NOVA1: variants seen among roughly 807,000 people sequenced by gnomAD.
The protein encoded by NOVA1 is RNA-binding protein Nova-1.
Under a neutral mutation model 38.0 loss-of-function variants are expected in NOVA1, and 7 were observed. The observed-to-expected ratio is 0.18, with a 90% CI of 0.10 to 0.35. The LOEUF is 0.35. Ranked by LOEUF, NOVA1 falls within the 10% of genes least tolerant of loss-of-function variation. The pLI is 1.00. For missense variants in NOVA1, 460 were observed against 616.0 expected, an observed-to-expected ratio of 0.75 and a Z score of 2.68; for synonymous variants, 270 against 232.5, an observed-to-expected ratio of 1.16 and a Z score of -1.47.
chr14:26,537,884 C>T (rs143326250), intron 2 of NOVA1, among the ~76,000 whole-genome samples: 24 of 152,250 alleles, frequency 1.6e-4, no homozygotes, highest in Non-Finnish European at 2.8e-4. Context: ...CTGGGAATAG[C>T]TCCTCTATGG....
intron 2 of NOVA1, among the ~76,000 whole-genome samples, chr14:26,490,023 T>C (rs1177067563): frequency 6.6e-6 from 1 of 152,148 alleles, no homozygotes; most frequent in African/African-American, 2.4e-5. Flanking sequence ...TTCCATCCCT[T>C]CCTTCCTATA....
chr14:26,581,685 G>A (rs2138769977), intron 2 of NOVA1, among the ~76,000 whole-genome samples: 2 of 151,990 alleles, frequency 1.3e-5, no homozygotes, highest in African/African-American at 4.8e-5. Flanking sequence ...GGAAAAAAAT[G>A]TATAACCTAT....
Position 26,447,759 on chromosome 14 carries a change from C to G in NOVA1, c.*200G>C, listed in dbSNP as rs1882196350. 1.7e-6 allele frequency: 1 copy of G among 595,890 alleles called. No individual in the cohort carries two copies. Among genetic ancestry groups the G allele is most frequent in the South Asian group, 2.2e-5 (1 of 45,646 alleles). The allele number at this position is 595,890 out of a possible 1,614,324, so 36.9% of individuals were successfully genotyped here. A position where few individuals can be genotyped will look rare whatever the true frequency, so the allele number is the denominator to read the frequency against. On this transcript the variant is annotated 3_prime_UTR_variant, in exon 5 of 5. Transcript: ENST00000539517. ...CACAAGCAAAGTATAGAGAACAAAA[C>G]AGATCAAGAAAAAATTCTTTCTATG...
At chr14:26,534,089 A>C (rs1889909857) in intron 2 of NOVA1, among the ~76,000 whole-genome samples, 1 of 152,194 alleles carries the variant, frequency 6.6e-6, no homozygotes, top group African/African-American at 2.4e-5. Context: ...AACTAGCATA[A>C]CTCTGATAAT....
intron 2 of NOVA1, among the ~76,000 whole-genome samples, chr14:26,568,770 T>C (rs1476109820): frequency 6.6e-6 from 1 of 152,184 alleles, no homozygotes; most frequent in Non-Finnish European, 1.5e-5. Context: ...GTGGGCAGCC[T>C]GATGAGAATC....
At chr14:26,574,622 C>A (rs1227296781) in intron 2 of NOVA1, among the ~76,000 whole-genome samples, 1 of 151,930 alleles carries the variant, frequency 6.6e-6, no homozygotes, top group Non-Finnish European at 1.5e-5. Context: ...TATCATAAAA[C>A]TTTAATTTCA....
At chr14:26,506,872 G>A (rs1009261719) in intron 2 of NOVA1, among the ~76,000 whole-genome samples, 1 of 152,080 alleles carries the variant, frequency 6.6e-6, no homozygotes, top group African/African-American at 2.4e-5. Context: ...GAGCCACCGC[G>A]CCAGGCCAAC....
chr14:26,590,179 A>G (rs1275012942), intron 2 of NOVA1, among the ~76,000 whole-genome samples: 1 of 151,870 alleles, frequency 6.6e-6, no homozygotes, highest in East Asian at 1.9e-4. Flanking sequence ...TTTGGAAAAG[A>G]CTGCAAAGCT....
chr14:26,555,227 T>C (rs1389852197), intron 2 of NOVA1, among the ~76,000 whole-genome samples: 1 of 152,108 alleles, frequency 6.6e-6, no homozygotes, highest in Admixed American at 6.5e-5. Flanking sequence ...GGAATCATGC[T>C]CTCTCCAGGC....
chr14:26,558,960 C>T (rs1891654025), intron 2 of NOVA1, among the ~76,000 whole-genome samples: 1 of 152,046 alleles, frequency 6.6e-6, no homozygotes. Flanking sequence ...ATTTCCCCTC[C>T]TTGCCTACAT....
intron 2 of NOVA1, among the ~76,000 whole-genome samples, chr14:26,567,273 T>C (rs1376111712): frequency 6.6e-6 from 1 of 150,540 alleles, no homozygotes; most frequent in African/African-American, 2.4e-5. Flanking sequence ...TCCTATAACA[T>C]TTAAGTGTCT....
chr14:26,450,406 C>CA (rs1882566955), intron 4 of NOVA1, among the ~76,000 whole-genome samples: 2 of 151,734 alleles, frequency 1.3e-5, no homozygotes, highest in South Asian at 4.2e-4. Context: ...CACACACAAA[C>CA]CTCATTTTAT....
intron 2 of NOVA1, among the ~76,000 whole-genome samples, chr14:26,529,111 CT>C (rs1889510721): frequency 6.6e-6 from 1 of 151,016 alleles, no homozygotes; most frequent in Non-Finnish European, 1.5e-5. Flanking sequence ...AGTGTAGTAT[CT>C]AATGAAGTGG....
intron 4 of NOVA1, among the ~76,000 whole-genome samples, chr14:26,462,110 T>C (rs967665525): frequency 2.6e-5 from 4 of 152,102 alleles, no homozygotes; most frequent in Non-Finnish European, 1.5e-5. Flanking sequence ...CCTAAGCGTA[T>C]AGTGTTTATA....
At chr14:26,449,837 T>C (rs963297561) in intron 4 of NOVA1, among the ~76,000 whole-genome samples, 2 of 152,072 alleles carry the variant, frequency 1.3e-5, no homozygotes, top group Non-Finnish European at 2.9e-5. Context: ...GAATATTCAA[T>C]CCAATATGAC....
At chr14:26,471,614 T>A (rs904625038) in intron 4 of NOVA1, among the ~76,000 whole-genome samples, 1 of 151,948 alleles carries the variant, frequency 6.6e-6, no homozygotes, top group Non-Finnish European at 1.5e-5. Context: ...TTAGATAATC[T>A]TCTTATATTT....
intron 2 of NOVA1, among the ~76,000 whole-genome samples, chr14:26,531,107 A>T (rs552223268): frequency 2.5e-4 from 38 of 152,310 alleles, no homozygotes; most frequent in African/African-American, 9.1e-4. Context: ...CTAGAGCAGT[A>T]TTTCATACAT....
chr14:26,523,679 G>A (rs1227633755), intron 2 of NOVA1, among the ~76,000 whole-genome samples: 2 of 148,816 alleles, frequency 1.3e-5, no homozygotes, highest in Non-Finnish European at 3.0e-5. Flanking sequence ...AATTTGAATT[G>A]CATATAATTT....
chr14:26,597,748 G>T lies in NOVA1; in HGVS notation c.-312C>A. The T allele has an allele frequency of 9.8e-7, 1 of 1,017,920 alleles. No individual in the cohort carries two copies. Among genetic ancestry groups the T allele is most frequent in the Non-Finnish European group, 1.2e-6 (1 of 843,198 alleles). The allele number at this position is 1,017,920 out of a possible 1,614,324, so 63.1% of individuals were successfully genotyped here. On this transcript the variant is annotated 5_prime_UTR_variant, in exon 1 of 5. Coordinates refer to ENST00000539517, the MANE Select transcript of NOVA1 (RefSeq NM_002515.3). ...GGAGACAGGGGGAGAGAGTGGAGAA[G>T]GGAGAGGGGCGAGTGAATGAGCGGG...
Sources: allele counts gnomAD v4.1 joint callset (sites outside exome capture counted in the v4.1 genomes callset), GRCh38; gene constraint gnomAD v4.1.1; transcripts MANE v1.5; gene names NCBI Gene and HGNC (gene_info 2026-07-23, HGNC 2026-07-21).